SLIT1: variants seen among roughly 807,000 people sequenced by gnomAD.
SLIT1 encodes slit guidance ligand 1, also known as slit homolog 1 protein.
SLIT1 carries 66 observed loss-of-function variants against 186.1 expected under a neutral mutation model. The observed-to-expected ratio is 0.35, with a 90% CI of 0.29 to 0.44. The LOEUF (loss-of-function observed/expected upper bound fraction) is 0.44, where lower values mean the gene tolerates loss of function less well. Ranked by LOEUF, SLIT1 falls within the 20% of genes least tolerant of loss-of-function variation. The probability of loss-of-function intolerance (pLI) is 1.00; values close to 1 mark genes in which losing one functional copy is unlikely to be tolerated. For synonymous variants in SLIT1, 761 were observed against 833.8 expected (o/e 0.91, Z 1.50); for missense variants, 1,638 against 2,037.4 (o/e 0.80, Z 3.77).
chr10:97,094,256 C>A (rs1231685998), intron 4 of SLIT1, among the ~76,000 whole-genome samples: 1 of 152,186 alleles, frequency 6.6e-6, no homozygotes, highest in Admixed American at 6.5e-5. Context: ...CCATAGGGGA[C>A]CTTTGTGGGA....
At chr10:97,016,564 T>A (rs1010995043) in intron 28 of SLIT1, among the ~76,000 whole-genome samples, 5 of 152,128 alleles carry the variant, frequency 3.3e-5, no homozygotes, top group Non-Finnish European at 5.9e-5. Flanking sequence ...CCTGGTTAAT[T>A]TTTAATTGTC....
rs1848305600 is a variant in SLIT1 at position 97,001,265 on chromosome 10, T to C, written c.4452A>G (p.Ser1484=). The change falls in exon 37 of 37, where the codon TCA becomes TCG. Residue 1484 remains serine (S), a synonymous_variant. Coordinates refer to ENST00000266058, the MANE Select transcript of SLIT1 (RefSeq NM_003061.3). The stretch of plus-strand genomic sequence containing the variant: ...GGCACGAGCCCCGGCACTCCACCCA[T>C]GACAGGGGGCGCGTGGTCTGGCAGA... ...YAICQTTRPL[S]WVECRGSCPG... 1.2e-6 allele frequency: 2 copies of C among 1,613,212 alleles called. No individual in the cohort carries two copies. The highest frequency in any genetic ancestry group is 4.5e-5 in the East Asian group (2 of 44,882).
chr10:97,084,216 C>T (rs115251274), intron 4 of SLIT1, among the ~76,000 whole-genome samples: 1,604 of 152,318 alleles, frequency 0.011, 32 homozygotes, highest in African/African-American at 0.034. Flanking sequence ...ACTCCTGCTT[C>T]TCTAGAAGGG....
Position 97,028,496 on chromosome 10 carries a change from C to T in SLIT1, c.2582+2261G>A, listed in dbSNP as rs144396420. Among the ~76,000 whole-genome samples, 44 of 152,310 alleles carry T rather than the reference C, an allele frequency of 2.9e-4. No individual in the cohort carries two copies. In the East Asian group the frequency reaches 4.8e-3, roughly 17 times the overall value. On this transcript the variant is annotated intron_variant, in intron 25 of 36. Coordinates refer to ENST00000266058, the MANE Select transcript of SLIT1 (RefSeq NM_003061.3). ...ACACCCTTTATCCTATGCTGGACAA[C>T]GCAGCATCCTTGAACATCCCATTTT...
rs1192729827 is a variant in SLIT1 at position 97,033,879 on chromosome 10, T to C, written c.2438+592A>G. Among the ~76,000 whole-genome samples, 3 of 151,060 alleles carry C rather than the reference T, an allele frequency of 2.0e-5. No homozygotes were observed. In the South Asian group the frequency reaches 6.3e-4, roughly 32 times the overall value. On this transcript the variant is annotated intron_variant, in intron 23 of 36. Coordinates refer to ENST00000266058, the MANE Select transcript of SLIT1 (RefSeq NM_003061.3). Reference sequence around the variant, plus strand: ...TGTTCTATTTTTTTTTTTTTTTTTTTTCTGAGACAGAGTCTCGCTCTATCA... The same window carrying C: ...TGTTCTATTTTTTTTTTTTTTTTTTCTCTGAGACAGAGTCTCGCTCTATCA...
In SLIT1 at chr10:97,097,033, G is replaced by T. The variant is rs531254147; in HGVS notation, c.414-30947C>A. ...CATTTTTTCTCAGGGATACTAGGAAGGCAAGATGAGAGTGCACAGCGCCTG... is the reference window on the plus strand; with the variant it reads ...CATTTTTTCTCAGGGATACTAGGAATGCAAGATGAGAGTGCACAGCGCCTG... On this transcript the variant is annotated intron_variant, in intron 4 of 36. Transcript: ENST00000266058. Among the ~76,000 whole-genome samples, 68 of 152,248 alleles carry T rather than the reference G, an allele frequency of 4.5e-4. 1 individual carries two copies. The highest frequency in any genetic ancestry group is 1.6e-3 in the African/African-American group (66 of 41,532).
chr10:97,164,519 G>T (rs1459574518), intron 2 of SLIT1, among the ~76,000 whole-genome samples: 1 of 152,174 alleles, frequency 6.6e-6, no homozygotes, highest in Non-Finnish European at 1.5e-5. Context: ...AGAGACGATT[G>T]GTCACGAGGT....
chr10:97,176,320 C>T (rs1391003485), intron 1 of SLIT1, among the ~76,000 whole-genome samples: 1 of 152,120 alleles, frequency 6.6e-6, no homozygotes, highest in Non-Finnish European at 1.5e-5. Flanking sequence ...TAAGCCACGA[C>T]CACGACCACA....
chr10:97,032,311 G>A (rs1271733530), intron 23 of SLIT1, among the ~76,000 whole-genome samples: 1 of 152,146 alleles, frequency 6.6e-6, no homozygotes, highest in African/African-American at 2.4e-5. Context: ...GCTGACTCTT[G>A]TAATCCCAGC....
intron 4 of SLIT1, among the ~76,000 whole-genome samples, chr10:97,078,197 T>G (rs1849064317): frequency 6.6e-6 from 1 of 152,174 alleles, no homozygotes; most frequent in African/African-American, 2.4e-5. Context: ...TGCAGGTGGT[T>G]TGGGGGCCTG....
chr10:97,001,772 G>A (rs1391215551), intron 36 of SLIT1, among the ~76,000 whole-genome samples: 1 of 152,152 alleles, frequency 6.6e-6, no homozygotes, highest in African/African-American at 2.4e-5. Context: ...TCCAGCAGAA[G>A]CCATCTTGGT....
intron 1 of SLIT1, among the ~76,000 whole-genome samples, chr10:97,177,445 G>T (rs150987110): frequency 2.4e-4 from 37 of 152,186 alleles, no homozygotes; most frequent in African/African-American, 8.7e-4. Context: ...ACTTCCCCTC[G>T]TATCTTGGCC....
At chr10:97,141,648 C>CATTGT (rs1237506150) in intron 4 of SLIT1, among the ~76,000 whole-genome samples, 19 of 150,848 alleles carry the variant, frequency 1.3e-4, no homozygotes, top group Non-Finnish European at 2.4e-4. Context: ...CACTGTATTG[C>CATTGT]ATTGTATTGT....
At chr10:97,152,288 G>T (rs527528167) in intron 4 of SLIT1, among the ~76,000 whole-genome samples, 1 of 152,172 alleles carries the variant, frequency 6.6e-6, no homozygotes, top group Non-Finnish European at 1.5e-5. Flanking sequence ...TTGGGGGAAG[G>T]TCCCTGCAAA....
intron 4 of SLIT1, among the ~76,000 whole-genome samples, chr10:97,134,660 C>T (rs1255316025): frequency 6.6e-6 from 1 of 152,218 alleles, no homozygotes; most frequent in Non-Finnish European, 1.5e-5. Flanking sequence ...CCCTCCACGC[C>T]AGGCCCAAGT....
rs139220771 is a variant in SLIT1, at chr10:97,004,639, G to A, written c.3710+54C>T. ...ACCTGCTTTTGGCCCAGGAGACCTCGCCCTGGCAGTCCCGTACCCCTGAGG... is the reference window on the plus strand; with the variant it reads ...ACCTGCTTTTGGCCCAGGAGACCTCACCCTGGCAGTCCCGTACCCCTGAGG... On this transcript the variant is annotated intron_variant, in intron 33 of 36. Coordinates refer to ENST00000266058, the MANE Select transcript of SLIT1 (RefSeq NM_003061.3). This position sits in a 1 kb window ranked among gnomAD's most constrained non-coding sequence, Gnocchi z 5.1. 1.1e-5 allele frequency: 17 copies of A among 1,607,788 alleles called. No homozygotes were observed. Among genetic ancestry groups the A allele is most frequent in the African/African-American group, 2.7e-5 (2 of 74,684 alleles).
intron 22 of SLIT1, among the ~76,000 whole-genome samples, chr10:97,035,506 G>C (rs1848631450): frequency 6.6e-6 from 1 of 152,166 alleles, no homozygotes; most frequent in Admixed American, 6.5e-5. Flanking sequence ...CTGGCTGGTG[G>C]CCCTGGTCAC....
chr10:97,063,654 A>G (rs1467409170), intron 7 of SLIT1, 36 bp from the exon 8 acceptor site: 1 of 1,553,898 alleles, frequency 6.4e-7, no homozygotes, highest in African/African-American at 1.4e-5. Flanking sequence ...ACCCATCTGG[A>G]TCCCCCAGCC....
chr10:97,108,597 A>T (rs1187014161), intron 4 of SLIT1, among the ~76,000 whole-genome samples: 1 of 152,204 alleles, frequency 6.6e-6, no homozygotes, highest in Non-Finnish European at 1.5e-5. Flanking sequence ...CTGGTGGTTA[A>T]GAGCCACATT....
Sources: allele counts gnomAD v4.1 joint callset (sites outside exome capture counted in the v4.1 genomes callset), GRCh38; gene constraint gnomAD v4.1.1; non-coding constraint Gnocchi (gnomAD v3.1); transcripts MANE v1.5; gene names NCBI Gene and HGNC (gene_info 2026-07-23, HGNC 2026-07-21).